ANO7: variants seen among roughly 807,000 people sequenced by gnomAD.
ANO7 encodes anoctamin-7.
ANO7 carries 114 observed loss-of-function variants against 115.8 expected under a neutral mutation model. The observed-to-expected ratio is 0.98, with a 90% CI of 0.85 to 1.15. The LOEUF (loss-of-function observed/expected upper bound fraction) is 1.15, where lower values mean the gene tolerates loss of function less well. Ranked by LOEUF, ANO7 falls within the 50% of genes most tolerant of loss-of-function variation. The probability of loss-of-function intolerance (pLI) is 0.00; values close to 1 mark genes in which losing one functional copy is unlikely to be tolerated. For synonymous variants in ANO7, 550 were observed against 498.2 expected (o/e 1.10, Z -1.38); for missense variants, 1,302 against 1,201.2 (o/e 1.08, Z -1.24).
Position 241,214,844 on chromosome 2 carries a change from C to T in ANO7, c.1768C>T (p.Leu590Phe). Residue 590 changes from leucine to phenylalanine, a missense_variant, in exon 18 of 25, where the codon CTC becomes TTC. Physicochemically the swap from Leu to Phe is conservative, Grantham distance 22 (BLOSUM62 0). Coordinates refer to ENST00000674324, the MANE Select transcript of ANO7 (RefSeq NM_001370694.2). ...CTGCCTGATCGAGCTGGCACAGGAG[C>T]TCCTGGTCATCATGGTGGGCAAGCA... is the stretch of plus-strand genomic sequence containing the variant. ...GGCLIELAQE[L>F]LVIMVGKQVI... is the part of the protein sequence containing the mutation. 6.2e-7 allele frequency: 1 copy of T among 1,612,792 alleles called. No individual in the cohort carries two copies. Among genetic ancestry groups the T allele is most frequent in the Non-Finnish European group, 8.5e-7 (1 of 1,179,946 alleles).
At chr2:241,202,971 G>C (rs1201360918) in intron 8 of ANO7, among the ~76,000 whole-genome samples, 2 of 152,184 alleles carry the variant, frequency 1.3e-5, no homozygotes, top group African/African-American at 2.4e-5. Flanking sequence ...CCTCCCGCCA[G>C]CCAGGGCCCA....
chr2:241,229,784 G>GGGGC, downstream of ANO7: 3 of 1,502,544 alleles, frequency 2.0e-6, no homozygotes, highest in Non-Finnish European at 2.7e-6. Flanking sequence ...AAGCCCGCCT[G>GGGGC]CCCGCCCACC....
intron 4 of ANO7, 186 bp downstream of exon 4, chr2:241,196,031 G>A (rs968384461): frequency 1.2e-5 from 17 of 1,456,280 alleles, no homozygotes; most frequent in Admixed American, 5.0e-5. Flanking sequence ...GTCCAGAGGC[G>A]GAGGTAAACA....
rs565418517 is a variant in ANO7, at chr2:241,212,169, A to G, written c.1637A>G (p.Tyr546Cys). The G allele has an allele frequency of 1.9e-6, 3 of 1,613,606 alleles. No homozygotes were observed. Among genetic ancestry groups the G allele is most frequent in the Non-Finnish European group, 2.5e-6 (3 of 1,179,960 alleles). The change falls in exon 16 of 25, where the codon TAC becomes TGC. Residue 546 changes from tyrosine to cysteine, a missense_variant. Tyr to Cys is a radical substitution (Grantham distance 194). Coordinates refer to ENST00000674324, the MANE Select transcript of ANO7 (RefSeq NM_001370694.2). ...TTCATCTTCCAGTTCGTCAACTTCTACTCCTCACCCGTCTACATTGCCTTC... is the reference window on the plus strand; with the variant it reads ...TTCATCTTCCAGTTCGTCAACTTCTGCTCCTCACCCGTCTACATTGCCTTC... ...KVFIFQFVNF[Y>C]SSPVYIAFFK...
rs551098421 is a variant in ANO7, at chr2:241,212,460, C to T, written c.1674-112C>T. On this transcript the variant is annotated intron_variant, in intron 16 of 24. Coordinates refer to ENST00000674324, the MANE Select transcript of ANO7 (RefSeq NM_001370694.2). ...ACAACCGGGACTCTACGCCACAGTT[C>T]GTGCTTCCTCCAGGGCAGGTGCAGC... is the stretch of plus-strand genomic sequence containing the variant. 41 of 1,213,724 alleles carry T rather than the reference C, an allele frequency of 3.4e-5. No homozygotes were observed. The Admixed American group carries it at 4.7e-4, about 14-fold the overall frequency. 75.2% of individuals were successfully genotyped at this position (1,213,724 alleles called of 1,614,324 possible).
At chr2:241,192,924 G>A (rs967329127) in intron 3 of ANO7, among the ~76,000 whole-genome samples, 1 of 152,036 alleles carries the variant, frequency 6.6e-6, no homozygotes, top group Non-Finnish European at 1.5e-5. Flanking sequence ...GACGGGGAGG[G>A]GGAGTTAGTG....
the ANO7 span, chr2:241,238,354 T>C: frequency 4.1e-6 from 1 of 243,902 alleles, no homozygotes; most frequent in Non-Finnish European, 7.8e-6. The surrounding 1 kb of genome is among the most constrained non-coding windows in gnomAD (Gnocchi z 4.9). Flanking sequence ...TGAGAATCAC[T>C]GGGACTGAAC....
At chr2:241,235,689 A>C in the ANO7 span, 1 of 809,418 alleles carries the variant, frequency 1.2e-6, no homozygotes, top group Non-Finnish European at 2.1e-6. Context: ...CAAGGCAAAC[A>C]GCCCTATGAC....
intron 3 of ANO7, among the ~76,000 whole-genome samples, chr2:241,192,675 C>T (rs186635269): frequency 2.6e-5 from 4 of 152,298 alleles, no homozygotes; most frequent in Non-Finnish European, 1.5e-5. Flanking sequence ...AAGCCATCCA[C>T]GTGTCCACCT....
chr2:241,230,630 TC>T, downstream of ANO7: 1 of 804,610 alleles, frequency 1.2e-6, no homozygotes, highest in Non-Finnish European at 2.0e-6. This position sits in a 1 kb window ranked among gnomAD's most constrained non-coding sequence, Gnocchi z 5.0. Context: ...TGAGGACAGT[TC>T]CACTGCCAGC....
the ANO7 span, chr2:241,234,043 T>C: frequency 2.6e-6 from 4 of 1,517,402 alleles, no homozygotes; most frequent in Admixed American, 1.7e-5. Context: ...ACCCTGGTCA[T>C]AGGACACTGG....
intron 7 of ANO7, among the ~76,000 whole-genome samples, chr2:241,201,710 C>T (rs553643329): frequency 2.0e-5 from 3 of 152,324 alleles, no homozygotes; most frequent in Non-Finnish European, 2.9e-5. Context: ...TGGCCCCAGG[C>T]GGGGCAGGCC....
At position 241,223,704 on chromosome 2, in the gene ANO7, C is replaced by T. The variant is rs2069082292; in HGVS notation, c.2455C>T (p.Pro819Ser). The T allele has an allele frequency of 3.1e-6, 5 of 1,613,958 alleles. No homozygotes were observed. Among genetic ancestry groups the T allele is most frequent in the Admixed American group, 3.3e-5 (2 of 59,978 alleles). The part of the protein sequence containing the change: ...SVGRLLDLLV[P>S]DIPESVEIKV... ...TGGCCGCCTCCTGGACCTCCTGGTG[C>T]CTGACATCCCAGAGTCTGTGGAGAT... is the stretch of plus-strand genomic sequence containing the variant. The change falls in exon 23 of 25, where the codon CCT becomes TCT. Residue 819 changes from proline to serine, a missense_variant. By Grantham distance (74) the Pro-to-Ser change is moderately conservative (BLOSUM62 -1). Transcript: ENST00000674324.
At chr2:241,234,124 T>A in the ANO7 span, among the ~76,000 whole-genome samples, 1 of 152,208 alleles carries the variant, frequency 6.6e-6, no homozygotes, top group Non-Finnish European at 1.5e-5. Context: ...CTCTGCCACC[T>A]TCCATTATCT....
Position 241,218,271 on chromosome 2 carries a change from G to GC in ANO7, c.2213dup (p.Arg739AlafsTer43), listed in dbSNP as rs1205656254. The GC allele has an allele frequency of 6.5e-7, 1 of 1,533,602 alleles. No homozygotes were observed. The highest frequency in any genetic ancestry group is 1.4e-5 in the African/African-American group (1 of 69,850). The allele number at this position is 1,533,602 out of a possible 1,614,324, so 95.0% of individuals were successfully genotyped here. A position where few individuals can be genotyped will look rare whatever the true frequency, so the allele number is the denominator to read the frequency against. On this transcript the variant is annotated frameshift_variant, in exon 21 of 25. Transcript: ENST00000674324. LOFTEE classifies it high-confidence loss of function. Reference sequence around the variant, plus strand: ...TCCTGGCCTTCTCGTCCGACTTCCTGCCGCGCGCCTACTACCGGTGGACCC... The same window carrying GC: ...TCCTGGCCTTCTCGTCCGACTTCCTGCCCGCGCGCCTACTACCGGTGGACCC...
At chr2:241,230,207 G>C, downstream of ANO7, 2 of 1,613,606 alleles carry the variant, frequency 1.2e-6, no homozygotes, top group Non-Finnish European at 1.7e-6. This position sits in a 1 kb window ranked among gnomAD's most constrained non-coding sequence, Gnocchi z 5.0. Context: ...CATTCTCTGG[G>C]AGCCCCGTCA....
chr2:241,232,856 T>TA, the ANO7 span, among the ~76,000 whole-genome samples: 34,813 of 151,662 alleles, frequency 0.23, 4,271 homozygotes, highest in Middle Eastern at 0.34. Flanking sequence ...GACTAAAAAT[T>TA]AAAAAATGTA....
At chr2:241,198,816 ACACATGTG>A (rs1270327552) in intron 4 of ANO7, among the ~76,000 whole-genome samples, 1 of 152,244 alleles carries the variant, frequency 6.6e-6, no homozygotes, top group African/African-American at 2.4e-5. Context: ...ACATGTTGGC[ACACATGTG>A]CACATGTGAA....
chr2:241,239,505 A>G, the ANO7 span: 5 of 962,120 alleles, frequency 5.2e-6, no homozygotes, highest in Non-Finnish European at 8.1e-6. This position sits in a 1 kb window ranked among gnomAD's most constrained non-coding sequence, Gnocchi z 4.6. Context: ...TGTATGAGGG[A>G]GTCACCTCCC....
Sources: allele counts gnomAD v4.1 joint callset (sites outside exome capture counted in the v4.1 genomes callset), GRCh38; gene constraint gnomAD v4.1.1; non-coding constraint Gnocchi (gnomAD v3.1); transcripts MANE v1.5; gene names NCBI Gene and HGNC (gene_info 2026-07-23, HGNC 2026-07-21).